IL1RAPL1: variants seen among roughly 807,000 people sequenced by gnomAD.
The protein encoded by IL1RAPL1 is interleukin 1 receptor accessory protein like 1.
Under a neutral mutation model 48.4 loss-of-function variants are expected in IL1RAPL1, and 3 were observed. The observed-to-expected ratio is 0.06, with a 90% CI of 0.03 to 0.16. The LOEUF is 0.16. Among genes scored for constraint, IL1RAPL1 ranks in the 10% least tolerant of loss-of-function variants. The pLI is 1.00. For missense variants in IL1RAPL1, 349 were observed against 530.6 expected (o/e 0.66, Z 3.36); for synonymous variants, 185 against 187.7 (o/e 0.99, Z 0.12).
At chrX:29,778,735 C>G (rs1296504528) in intron 6 of IL1RAPL1, among the ~76,000 whole-genome samples, 1 of 112,060 alleles carries the variant, frequency 8.9e-6, no homozygotes, top group Non-Finnish European at 1.9e-5. Flanking sequence ...TAACTACCAA[C>G]AGCAAAGAAG....
chrX:29,186,344 T>C (rs761447677), intron 2 of IL1RAPL1, among the ~76,000 whole-genome samples: 1 of 112,045 alleles, frequency 8.9e-6, no homozygotes, highest in African/African-American at 3.2e-5. Context: ...TTTGCTATAA[T>C]CAACTATTAG....
chrX:29,229,519 C>T (rs1474936518), intron 2 of IL1RAPL1, among the ~76,000 whole-genome samples: 1 of 111,934 alleles, frequency 8.9e-6, no homozygotes, highest in Non-Finnish European at 1.9e-5. Flanking sequence ...TGCTATACCA[C>T]TTTATGGAAA....
In IL1RAPL1 at chrX:29,025,750, A is replaced by G. The variant is rs1926470971; in HGVS notation, c.82+236325A>G. ...TCACTACACCACGGTGCCTAGGATTAAAGATAAATATGGTAAGATAATTAC... is the reference window on the plus strand; with the variant it reads ...TCACTACACCACGGTGCCTAGGATTGAAGATAAATATGGTAAGATAATTAC... On this transcript the variant is annotated intron_variant, in intron 2 of 10. Coordinates refer to ENST00000378993, the MANE Select transcript of IL1RAPL1 (RefSeq NM_014271.4). Among the ~76,000 whole-genome samples, 3 of 111,701 alleles carry G rather than the reference A, an allele frequency of 2.7e-5. No homozygotes were observed. The South Asian group carries it at 1.1e-3, about 42-fold the overall frequency.
intron 3 of IL1RAPL1, among the ~76,000 whole-genome samples, chrX:29,302,302 A>G (rs772456981): frequency 8.9e-6 from 1 of 112,220 alleles, no homozygotes; most frequent in East Asian, 2.8e-4. Context: ...AAGTCACTCA[A>G]CGTTTAATGT....
intron 6 of IL1RAPL1, among the ~76,000 whole-genome samples, chrX:29,811,439 C>T (rs1418145629): frequency 4.8e-5 from 5 of 104,215 alleles, no homozygotes; most frequent in Admixed American, 2.1e-4. Context: ...AGCCTTTTCA[C>T]GTTTTTTTTT....
intron 2 of IL1RAPL1, among the ~76,000 whole-genome samples, chrX:29,055,850 G>A (rs368309876): frequency 9.0e-6 from 1 of 111,530 alleles, no homozygotes; most frequent in East Asian, 2.8e-4. Flanking sequence ...CGAGAAATTG[G>A]CATTCTAATT....
At chrX:29,200,585 T>C (rs5943613) in intron 2 of IL1RAPL1, among the ~76,000 whole-genome samples, 67,634 of 110,060 alleles carry the variant, frequency 0.61, 17,703 homozygotes, top group Non-Finnish European at 0.84. Context: ...TACTCCATTT[T>C]TTCCCAATAA....
intron 2 of IL1RAPL1, among the ~76,000 whole-genome samples, chrX:29,069,628 AACACACACACACACACAC>A (rs56373899): frequency 1.2e-5 from 1 of 83,732 alleles, no homozygotes; most frequent in South Asian, 7.0e-4. Context: ...TTTCCTATAG[AACACACACACACACACAC>A]ACACACACAC....
intron 2 of IL1RAPL1, among the ~76,000 whole-genome samples, chrX:29,093,458 T>C (rs1417464899): frequency 9.0e-5 from 10 of 111,403 alleles, no homozygotes; most frequent in Admixed American, 1.9e-4. Context: ...CCACCAGGCA[T>C]TGGAGATTAT....
chrX:29,724,891 T>A (rs1927736377), intron 6 of IL1RAPL1, among the ~76,000 whole-genome samples: 1 of 111,951 alleles, frequency 8.9e-6, no homozygotes, highest in Non-Finnish European at 1.9e-5. Flanking sequence ...AAATCTCCAA[T>A]TGTTTTAAAG....
chrX:28,948,185 T>TTC (rs1362947497), intron 2 of IL1RAPL1, among the ~76,000 whole-genome samples: 1 of 111,283 alleles, frequency 9.0e-6, no homozygotes, highest in Non-Finnish European at 1.9e-5. Flanking sequence ...AAATGAAAAA[T>TTC]TTGGTTATGA....
chrX:29,567,472 T>C (rs1439573425), intron 5 of IL1RAPL1, among the ~76,000 whole-genome samples: 2 of 112,009 alleles, frequency 1.8e-5, no homozygotes, highest in Non-Finnish European at 3.8e-5. Flanking sequence ...CATGTAACAA[T>C]GCATTTTTTC....
chrX:29,861,342 T>C (rs376833818), intron 6 of IL1RAPL1, among the ~76,000 whole-genome samples: 1 of 111,300 alleles, frequency 9.0e-6, no homozygotes, highest in Non-Finnish European at 1.9e-5. Flanking sequence ...GCAATCCAAA[T>C]CTCTAAGGAT....
At chrX:29,940,603 G>C (rs887044443) in intron 8 of IL1RAPL1, among the ~76,000 whole-genome samples, 1 of 111,875 alleles carries the variant, frequency 8.9e-6, no homozygotes, top group African/African-American at 3.2e-5. Context: ...GATGATTACC[G>C]ACAACGCTTA....
At chrX:29,579,309 T>C (rs769400755) in intron 5 of IL1RAPL1, among the ~76,000 whole-genome samples, 29 of 111,745 alleles carry the variant, frequency 2.6e-4, no homozygotes, top group Admixed American at 8.6e-4. Flanking sequence ...GGAAATGAGG[T>C]CACAGTGAGG....
intron 5 of IL1RAPL1, among the ~76,000 whole-genome samples, chrX:29,547,509 A>G (rs1921662762): frequency 8.9e-6 from 1 of 111,911 alleles, no homozygotes; most frequent in Non-Finnish European, 1.9e-5. Context: ...TCATGGAAAA[A>G]TGCTGGAAAA....
Position 28,737,159 on chromosome X carries a change from TTCCTTCCTTCCTTCCTTC to T in IL1RAPL1, c.-24-52160_-24-52143del, listed in dbSNP as rs1193955092. ...CTTCCTTCCTTCCTTCCTTCCTTCC[TTCCTTCCTTCCTTCCTTC>T]CTTTCTTTCCTTTCTCTTTCTTTCT... is the stretch of plus-strand genomic sequence containing the variant. On this transcript the variant is annotated intron_variant, in intron 1 of 10. Transcript: ENST00000378993. Among the ~76,000 whole-genome samples the T allele has an allele frequency of 8.5e-3, 360 of 42,289 alleles. 6 individuals carry two copies. Among genetic ancestry groups the T allele is most frequent in the East Asian group, 0.05 (56 of 1,124 alleles). 36.7% of individuals were successfully genotyped at this position (42,289 alleles called of 115,157 possible).
At chrX:29,516,436 G>A (rs1166060594) in intron 5 of IL1RAPL1, among the ~76,000 whole-genome samples, 3 of 111,126 alleles carry the variant, frequency 2.7e-5, no homozygotes, top group Non-Finnish European at 5.7e-5. Context: ...TGGCCTTCTG[G>A]ATGTTATCTC....
chrX:29,399,127 C>G, intron 4 of IL1RAPL1, 28 bp from the exon 5 acceptor site: 5 of 1,150,849 alleles, frequency 4.3e-6, no homozygotes, highest in Non-Finnish European at 4.8e-6. Context: ...ACTATATGTA[C>G]TACCAAAATT....
Sources: gnomAD v4.1 joint callset for allele counts (sites outside exome capture counted in the v4.1 genomes callset) on GRCh38, gnomAD v4.1.1 for gene constraint, MANE v1.5 for transcripts, NCBI Gene and HGNC (gene_info 2026-07-23, HGNC 2026-07-21) for gene names.